FRMD6: variants seen among roughly 807,000 people sequenced by gnomAD.
FRMD6 encodes FERM domain-containing protein 6.
A neutral mutation model predicts 73.2 loss-of-function variants in FRMD6; 37 were observed. The ratio of observed to expected loss-of-function variants is 0.51; its 90% CI spans 0.39 to 0.66. The LOEUF (loss-of-function observed/expected upper bound fraction) is 0.66. Among genes scored for constraint, FRMD6 ranks in the 30% least tolerant of loss-of-function variants. The pLI is 0.00. For synonymous variants in FRMD6, 273 were observed against 282.2 expected (o/e 0.97, Z 0.33); for missense variants, 714 against 780.5 (o/e 0.91, Z 1.02).
chr14:51,601,962 C>CAAG (rs1890054762), intron 2 of FRMD6, among the ~76,000 whole-genome samples: 1 of 152,158 alleles, frequency 6.6e-6, no homozygotes, highest in East Asian at 1.9e-4. Flanking sequence ...GTCATCTTAG[C>CAAG]CTACTTGGCA....
intron 2 of FRMD6, among the ~76,000 whole-genome samples, chr14:51,641,196 G>A (rs956691057): frequency 6.6e-6 from 1 of 152,054 alleles, no homozygotes; most frequent in Non-Finnish European, 1.5e-5. Context: ...GGCCAGGCTG[G>A]TCTTGAACTC....
the FRMD6 span, among the ~76,000 whole-genome samples, chr14:51,455,290 A>G: frequency 6.6e-6 from 1 of 152,362 alleles, no homozygotes. Context: ...AATTTTCCAT[A>G]GAACACAGTT....
At chr14:51,507,654 C>G (rs1027016489) in intron 1 of FRMD6, among the ~76,000 whole-genome samples, 1 of 152,196 alleles carries the variant, frequency 6.6e-6, no homozygotes, top group Non-Finnish European at 1.5e-5. Context: ...TTTCCCCTCT[C>G]CCTTCCCCAC....
chr14:51,614,559 A>T (rs998818167), intron 2 of FRMD6, among the ~76,000 whole-genome samples: 4 of 152,114 alleles, frequency 2.6e-5, no homozygotes, highest in African/African-American at 7.2e-5. Context: ...GTGAATTTTT[A>T]ATTGTTTTTT....
At chr14:51,705,980 GGT>G (rs958767759) in intron 6 of FRMD6, among the ~76,000 whole-genome samples, 51 of 152,076 alleles carry the variant, frequency 3.4e-4, no homozygotes, top group African/African-American at 1.2e-3. Flanking sequence ...TCCCAAATCT[GGT>G]TTTTTCCCCT....
chr14:51,631,575 A>C (rs542611601), intron 2 of FRMD6, among the ~76,000 whole-genome samples: 3 of 152,210 alleles, frequency 2.0e-5, no homozygotes, highest in Non-Finnish European at 4.4e-5. Flanking sequence ...GGAGGTGCAA[A>C]TACGAATAAT....
At chr14:51,469,618 GAAAAAAAAAAA>G in the FRMD6 span, among the ~76,000 whole-genome samples, 86 of 96,768 alleles carry the variant, frequency 8.9e-4, no homozygotes, top group African/African-American at 3.1e-3. Flanking sequence ...ATTTCAAAAA[GAAAAAAAAAAA>G]AAAAAAAAAA....
chr14:51,722,111 G>A, intron 12 of FRMD6, 31 bp downstream of exon 12: 3 of 1,611,948 alleles, frequency 1.9e-6, no homozygotes, highest in Non-Finnish European at 2.5e-6. Context: ...ATTCTTCCTT[G>A]GTAGCAGGTT....
chr14:51,685,700 T>A (rs1895103672), intron 1 of FRMD6, among the ~76,000 whole-genome samples: 1 of 152,148 alleles, frequency 6.6e-6, no homozygotes, highest in African/African-American at 2.4e-5. Context: ...GGCATGAGAG[T>A]TGCCCATCAG....
chr14:51,565,051 T>A (rs1887699779), intron 1 of FRMD6, among the ~76,000 whole-genome samples: 1 of 152,214 alleles, frequency 6.6e-6, no homozygotes, highest in Admixed American at 6.5e-5. Context: ...TTGGAAAAGT[T>A]TTTATAATTC....
intron 2 of FRMD6, among the ~76,000 whole-genome samples, chr14:51,693,454 G>A: frequency 6.6e-6 from 1 of 152,102 alleles, no homozygotes; most frequent in Non-Finnish European, 1.5e-5. Context: ...CAGGTACCTG[G>A]GTTGAAATCC....
intron 2 of FRMD6, among the ~76,000 whole-genome samples, chr14:51,644,390 C>T (rs1891964130): frequency 2.3e-5 from 2 of 87,644 alleles, no homozygotes; most frequent in Admixed American, 2.3e-4. Flanking sequence ...CACACACACT[C>T]ACTCACTCTC....
intron 2 of FRMD6, among the ~76,000 whole-genome samples, chr14:51,690,322 C>T (rs568547360): frequency 5.9e-5 from 9 of 152,200 alleles, no homozygotes; most frequent in Non-Finnish European, 8.8e-5. Flanking sequence ...TTGTGGCTTT[C>T]GCCATTGAAA....
At chr14:51,609,602 G>A (rs965054768) in intron 2 of FRMD6, among the ~76,000 whole-genome samples, 1 of 152,144 alleles carries the variant, frequency 6.6e-6, no homozygotes, top group Admixed American at 6.5e-5. Flanking sequence ...AAAGGCATGC[G>A]TTCAATCAGA....
chr14:51,636,022 G>A (rs920129001), intron 2 of FRMD6, among the ~76,000 whole-genome samples: 1 of 152,194 alleles, frequency 6.6e-6, no homozygotes. Context: ...CCCAAAGTCC[G>A]AGAAAGCGGA....
At chr14:51,531,526 G>A (rs1038600269) in intron 1 of FRMD6, among the ~76,000 whole-genome samples, 1 of 152,144 alleles carries the variant, frequency 6.6e-6, no homozygotes, top group African/African-American at 2.4e-5. Flanking sequence ...CTGCAATTTG[G>A]TTAATAGTAC....
At chr14:51,541,850 A>G (rs1343908005) in intron 1 of FRMD6, among the ~76,000 whole-genome samples, 1 of 152,092 alleles carries the variant, frequency 6.6e-6, no homozygotes, top group African/African-American at 2.4e-5. Context: ...TGTCATTTAA[A>G]GTTGTGAATG....
At chr14:51,413,293 A>C in the FRMD6 span, among the ~76,000 whole-genome samples, 1 of 152,154 alleles carries the variant, frequency 6.6e-6, no homozygotes, top group Admixed American at 6.6e-5. Flanking sequence ...ATTTCTCCTA[A>C]TGCTATCCCT....
intron 1 of FRMD6, among the ~76,000 whole-genome samples, chr14:51,671,226 A>C (rs991513402): frequency 1.2e-4 from 19 of 152,270 alleles, no homozygotes; most frequent in African/African-American, 4.6e-4. Context: ...TTATAATGTC[A>C]CCTAGTTTGG....
Sources: gnomAD v4.1 joint callset for allele counts (sites outside exome capture counted in the v4.1 genomes callset) on GRCh38, gnomAD v4.1.1 for gene constraint, MANE v1.5 for transcripts, NCBI Gene and HGNC (gene_info 2026-07-23, HGNC 2026-07-21) for gene names.